Variants in NDNF observed in about 807,000 individuals in gnomAD.
NDNF encodes the protein neuron derived neurotrophic factor.
Under a neutral mutation model 42.0 loss-of-function variants are expected in NDNF, and 16 were observed. The ratio of observed to expected loss-of-function variants is 0.38; its 90% CI spans 0.26 to 0.58. The LOEUF (loss-of-function observed/expected upper bound fraction) is 0.58. NDNF is among the 20% of genes least tolerant of loss of function. The pLI is 0.67. For synonymous variants in NDNF, 248 were observed against 251.7 expected, an observed-to-expected ratio of 0.99 and a Z score of 0.14; for missense variants, 616 against 666.2, an observed-to-expected ratio of 0.92 and a Z score of 0.83.
intron 1 of NDNF, among the ~76,000 whole-genome samples, chr4:121,068,762 T>C (rs1727541433): frequency 6.6e-6 from 1 of 152,122 alleles, no homozygotes; most frequent in African/African-American, 2.4e-5. Context: ...TCGACCACCT[T>C]ATCATGGAGA....
chr4:121,068,848 G>A (rs922451089), intron 1 of NDNF, among the ~76,000 whole-genome samples: 1 of 152,048 alleles, frequency 6.6e-6, no homozygotes, highest in African/African-American at 2.4e-5. Flanking sequence ...CTATGCTCTC[G>A]GTTGATTCAG....
intron 1 of NDNF, chr4:121,061,145 T>C (rs924221001): frequency 3.9e-5 from 6 of 152,198 alleles, no homozygotes; most frequent in Non-Finnish European, 8.8e-5. Context: ...ACCAGCCCTC[T>C]TGTAAAATCC....
chr4:121,045,212 C>T (rs1275130564), intron 2 of NDNF, among the ~76,000 whole-genome samples: 3 of 152,032 alleles, frequency 2.0e-5, no homozygotes, highest in Non-Finnish European at 2.9e-5. Flanking sequence ...ATTAGCCAGG[C>T]GTGGTGGAGG....
At chr4:121,066,034 C>G (rs951678965) in intron 1 of NDNF, among the ~76,000 whole-genome samples, 1 of 151,962 alleles carries the variant, frequency 6.6e-6, no homozygotes, top group African/African-American at 2.4e-5. Context: ...CCCTGAGAGG[C>G]CCTGGGAGCA....
At chr4:121,070,552 A>T (rs1727573187) in intron 1 of NDNF, among the ~76,000 whole-genome samples, 2 of 152,124 alleles carry the variant, frequency 1.3e-5, no homozygotes, top group South Asian at 2.1e-4. Context: ...AAAAGGGTTC[A>T]GGAAGCGAGG....
chr4:121,039,203 T>C (rs868088218), intron 3 of NDNF, among the ~76,000 whole-genome samples: 3 of 45,224 alleles, frequency 6.6e-5, no homozygotes, highest in Non-Finnish European at 1.1e-4. Flanking sequence ...TATATATATA[T>C]ATATATATAT....
intron 1 of NDNF, among the ~76,000 whole-genome samples, chr4:121,057,695 T>C (rs932303989): frequency 6.6e-6 from 1 of 152,180 alleles, no homozygotes; most frequent in African/African-American, 2.4e-5. Flanking sequence ...GACAAAGCCA[T>C]TCCACTGAAG....
Position 121,036,687 on chromosome 4 carries a change from T to C in NDNF, c.1284A>G (p.Ala428=), listed in dbSNP as rs757550265. ...TGGTAGCTAGAATTTTCAACATAGA[T>C]GCTCCTTTCTTGTTTCCTTTCAGTC... The part of the protein sequence containing the change: ...LVRLKGNKKG[A]SMLKILATTR... Residue 428 remains alanine, a synonymous_variant, in exon 4 of 4, where the codon GCA becomes GCG. Transcript: ENST00000379692. 13 of 1,614,074 alleles carry C rather than the reference T, an allele frequency of 8.1e-6. No individual in the cohort carries two copies. The African/African-American group carries it at 1.2e-4, about 15-fold the overall frequency.
intron 2 of NDNF, among the ~76,000 whole-genome samples, chr4:121,042,676 C>T (rs1454340824): frequency 2.0e-5 from 3 of 152,074 alleles, no homozygotes; most frequent in Non-Finnish European, 2.9e-5. Flanking sequence ...TTGAACCTAT[C>T]TATATTACAA....
chr4:121,063,610 C>A (rs1038540049), intron 1 of NDNF, among the ~76,000 whole-genome samples: 25 of 151,978 alleles, frequency 1.6e-4, no homozygotes, highest in African/African-American at 6.0e-4. Flanking sequence ...TGATTTCAGG[C>A]TATAAGTAGA....
chr4:121,056,322 A>C (rs892206903), intron 1 of NDNF, among the ~76,000 whole-genome samples: 2 of 152,206 alleles, frequency 1.3e-5, no homozygotes, highest in Non-Finnish European at 2.9e-5. Flanking sequence ...AGTTGAGAAA[A>C]CCAGGCTAGA....
chr4:121,062,007 T>A (rs989609187), intron 1 of NDNF, among the ~76,000 whole-genome samples: 2 of 152,226 alleles, frequency 1.3e-5, no homozygotes, highest in African/African-American at 4.8e-5. Flanking sequence ...GTTCTATTTA[T>A]CTTCAAATAG....
At chr4:121,067,131 C>T (rs547273201) in intron 1 of NDNF, among the ~76,000 whole-genome samples, 6 of 152,308 alleles carry the variant, frequency 3.9e-5, no homozygotes, top group South Asian at 2.1e-4. Flanking sequence ...CCCAATCACG[C>T]GTAATCATAT....
At chr4:121,038,577 G>C (rs1444574714) in intron 3 of NDNF, among the ~76,000 whole-genome samples, 1 of 152,110 alleles carries the variant, frequency 6.6e-6, no homozygotes, top group Non-Finnish European at 1.5e-5. Flanking sequence ...GAATGACTGG[G>C]TAGCTACAGT....
Position 121,053,041 on chromosome 4 carries a change from C to T in NDNF, c.-1-7203G>A, listed in dbSNP as rs572753361. Reference sequence around the variant, plus strand: ...TCTACCCAACCCAATGAAGTAGAGCCGACATTATGTACAGAACTCGTGCAC... The same window carrying T: ...TCTACCCAACCCAATGAAGTAGAGCTGACATTATGTACAGAACTCGTGCAC... On this transcript the variant is annotated intron_variant, in intron 1 of 3. Transcript: ENST00000379692. 2.6e-5 allele frequency among the ~76,000 whole-genome samples: 4 copies of T among 152,224 alleles called. No individual in the cohort carries two copies. In the South Asian group the frequency reaches 6.2e-4, roughly 24 times the overall value.
At chr4:121,065,717 TACACAC>T (rs147500183) in intron 1 of NDNF, among the ~76,000 whole-genome samples, 18 of 147,632 alleles carry the variant, frequency 1.2e-4, no homozygotes, top group African/African-American at 2.7e-4. Flanking sequence ...AAGAATGAAA[TACACAC>T]ACACACACAC....
chr4:121,043,309 T>G (rs2148764620), intron 2 of NDNF, among the ~76,000 whole-genome samples: 1 of 151,328 alleles, frequency 6.6e-6, no homozygotes, highest in South Asian at 2.1e-4. Flanking sequence ...TTAAATTTAC[T>G]GCTGTGCAAC....
At chr4:121,045,553 A>G in intron 2 of NDNF, 97 bp downstream of exon 2, 1 of 1,039,070 alleles carries the variant, frequency 9.6e-7, no homozygotes. Context: ...TCATAGGTTG[A>G]TTTGTAAATT....
chr4:121,039,840 T>C (rs1244593507), intron 3 of NDNF, 90 bp downstream of exon 3: 21 of 1,457,202 alleles, frequency 1.4e-5, no homozygotes, highest in Non-Finnish European at 1.9e-5. Flanking sequence ...CATGCTGCCT[T>C]TTCTTACTAA....
Sources: allele counts gnomAD v4.1 joint callset (sites outside exome capture counted in the v4.1 genomes callset), GRCh38; gene constraint gnomAD v4.1.1; transcripts MANE v1.5; gene names NCBI Gene and HGNC (gene_info 2026-07-23, HGNC 2026-07-21).